The following MDFIC variants were observed in gnomAD, a reference collection of about 807,000 sequenced individuals.
MDFIC encodes the protein MyoD family inhibitor domain containing.
A neutral mutation model predicts 23.2 loss-of-function variants in MDFIC; 17 were observed. The ratio of observed to expected loss-of-function variants is 0.73; its 90% CI spans 0.50 to 1.10. The LOEUF (loss-of-function observed/expected upper bound fraction) is 1.10, where lower values mean the gene tolerates loss of function less well. MDFIC is among the 50% of genes least tolerant of loss of function. The probability of loss-of-function intolerance (pLI) is 0.00; values close to 1 mark genes in which losing one functional copy is unlikely to be tolerated. For synonymous variants in MDFIC, 120 were observed against 115.2 expected (o/e 1.04, Z -0.27); for missense variants, 356 against 316.6 (o/e 1.12, Z -0.95).
intron 3 of MDFIC, among the ~76,000 whole-genome samples, chr7:114,960,556 CCT>C: frequency 6.6e-6 from 1 of 152,104 alleles, no homozygotes; most frequent in East Asian, 1.9e-4. Context: ...TGAATAGACC[CCT>C]TTTATTTCAA....
intron 3 of MDFIC, among the ~76,000 whole-genome samples, chr7:114,979,284 TG>T (rs1793373110): frequency 6.6e-6 from 1 of 152,148 alleles, no homozygotes; most frequent in African/African-American, 2.4e-5. Flanking sequence ...TTTATATCCT[TG>T]TACAAACCCA....
chr7:114,957,470 A>G (rs941419461), intron 3 of MDFIC, among the ~76,000 whole-genome samples: 1 of 152,194 alleles, frequency 6.6e-6, no homozygotes, highest in African/African-American at 2.4e-5. Context: ...AAAGTCTCTT[A>G]TAATAGCGAT....
intron 2 of MDFIC, among the ~76,000 whole-genome samples, chr7:114,939,187 G>C (rs1357184229): frequency 6.6e-6 from 1 of 152,180 alleles, no homozygotes; most frequent in Non-Finnish European, 1.5e-5. Context: ...ATATTAGAAA[G>C]TCACAGAACA....
intron 4 of MDFIC, among the ~76,000 whole-genome samples, chr7:115,009,704 A>G (rs1791642760): frequency 6.6e-6 from 1 of 152,230 alleles, no homozygotes; most frequent in South Asian, 2.1e-4. Context: ...TCCACATAAT[A>G]GGCCAGCTGC....
At chr7:114,952,666 A>G (rs1792800329) in intron 3 of MDFIC, among the ~76,000 whole-genome samples, 1 of 152,160 alleles carries the variant, frequency 6.6e-6, no homozygotes, top group Admixed American at 6.5e-5. Context: ...TATATTTTCC[A>G]TGGTTCATGA....
At chr7:114,947,770 C>T (rs1196236922) in intron 3 of MDFIC, among the ~76,000 whole-genome samples, 1 of 152,174 alleles carries the variant, frequency 6.6e-6, no homozygotes, top group Non-Finnish European at 1.5e-5. Context: ...TCTAACTTCT[C>T]ATTTTTAAAA....
chr7:114,997,954 G>A (rs563784923), intron 4 of MDFIC, among the ~76,000 whole-genome samples: 3 of 152,076 alleles, frequency 2.0e-5, no homozygotes, highest in South Asian at 2.1e-4. Flanking sequence ...TCAAATAACC[G>A]GTAGGATATG....
chr7:114,961,124 G>A (rs930742569), intron 3 of MDFIC, among the ~76,000 whole-genome samples: 8 of 152,120 alleles, frequency 5.3e-5, no homozygotes, highest in African/African-American at 1.9e-4. Context: ...AGCAGAGCAA[G>A]CATGGGAGTG....
rs539628288 is a variant in MDFIC at position 114,933,067 on chromosome 7, G to A, written c.95-9208G>A. 6.6e-5 allele frequency among the ~76,000 whole-genome samples: 10 copies of A among 152,264 alleles called. No individual in the cohort carries two copies. In the South Asian group the frequency reaches 1.9e-3, roughly 28 times the overall value. ...GCCTTCATTCTTGTAATAGTGCCAA[G>A]TAAGGGTTCTTTGCTTAACTAGAGA... On this transcript the variant is annotated intron_variant, in intron 2 of 4. Transcript: ENST00000393486.
intron 4 of MDFIC, among the ~76,000 whole-genome samples, chr7:114,995,227 T>A (rs1334180625): frequency 6.6e-6 from 1 of 152,190 alleles, no homozygotes; most frequent in Non-Finnish European, 1.5e-5. Flanking sequence ...TCTATGCTGG[T>A]TATTCTAGTT....
chr7:114,942,354 C>G lies in MDFIC; in HGVS notation c.174C>G (p.Asp58Glu). The change falls in exon 3 of 5, where the codon GAC (aspartate) becomes GAG (glutamate). Residue 58 changes from aspartate to glutamate, a missense_variant. Asp to Glu is a conservative substitution (Grantham distance 45). Coordinates refer to ENST00000393486, the MANE Select transcript of MDFIC (RefSeq NM_001166345.3). ...NSHFTHGEMQ[D>E]QSIWGNPSDG... is the part of the protein sequence containing the mutation. The stretch of plus-strand genomic sequence containing the variant: ...ACTTCACACATGGAGAGATGCAAGA[C>G]CAGTCCATTTGGGGAAATCCTTCGG... 1 of 1,605,488 alleles carries G rather than the reference C, an allele frequency of 6.2e-7. No individual in the cohort carries two copies. Among genetic ancestry groups the G allele is most frequent in the Non-Finnish European group, 8.5e-7 (1 of 1,175,310 alleles).
At chr7:115,014,202 A>T in intron 4 of MDFIC, 1 of 985,334 alleles carries the variant, frequency 1.0e-6, no homozygotes, top group Non-Finnish European at 1.2e-6. Context: ...AGAGAAACAG[A>T]GGGGTGTTCA....
chr7:114,965,921 A>G (rs982361701), intron 3 of MDFIC, among the ~76,000 whole-genome samples: 2 of 152,210 alleles, frequency 1.3e-5, no homozygotes, highest in African/African-American at 2.4e-5. Context: ...GTTAAAATGT[A>G]TCACTTGCAA....
chr7:114,960,594 TG>T (rs1792971034), intron 3 of MDFIC, among the ~76,000 whole-genome samples: 1 of 152,140 alleles, frequency 6.6e-6, no homozygotes, highest in African/African-American at 2.4e-5. Flanking sequence ...TTAAATATAA[TG>T]AAAGATCTCA....
intron 4 of MDFIC, 32 bp downstream of exon 4, chr7:114,979,813 A>C: frequency 6.3e-7 from 1 of 1,596,336 alleles, no homozygotes; most frequent in Non-Finnish European, 8.6e-7. Flanking sequence ...ATTTTATTTG[A>C]CCAGATGTAA....
chr7:114,951,326 G>A (rs570886316), intron 3 of MDFIC, among the ~76,000 whole-genome samples: 15 of 151,810 alleles, frequency 9.9e-5, no homozygotes, highest in African/African-American at 3.6e-4. Flanking sequence ...TCTCTAAGGT[G>A]AGGTCCCTGA....
chr7:115,005,920 A>G (rs1791560364), intron 4 of MDFIC, among the ~76,000 whole-genome samples: 1 of 152,180 alleles, frequency 6.6e-6, no homozygotes. Flanking sequence ...AATAGGATTT[A>G]CCTCCTGTGC....
rs1185559836 is a variant in MDFIC at position 114,923,005 on chromosome 7, G to A, written c.-29G>A. ...GCCGGGCGGCGAGCTAGGCGGCAGC[G>A]GCGCGGCGCGGGCTCGGCGGAGCGG... On this transcript the variant is annotated 5_prime_UTR_variant, in exon 2 of 5. Coordinates refer to ENST00000393486, the MANE Select transcript of MDFIC (RefSeq NM_001166345.3). 1.8e-5 allele frequency: 26 copies of A among 1,483,314 alleles called. No individual in the cohort carries two copies. The highest frequency in any genetic ancestry group is 2.6e-5 in the South Asian group (2 of 77,824). The allele number at this position is 1,483,314 out of a possible 1,614,324, so 91.9% of individuals were successfully genotyped here.
chr7:114,946,000 G>T (rs891702626), intron 3 of MDFIC, among the ~76,000 whole-genome samples: 2 of 152,172 alleles, frequency 1.3e-5, no homozygotes, highest in African/African-American at 4.8e-5. Context: ...TTGAAGCTAT[G>T]CCCTGTTTTA....
Sources: allele counts gnomAD v4.1 joint callset (sites outside exome capture counted in the v4.1 genomes callset), GRCh38; gene constraint gnomAD v4.1.1; transcripts MANE v1.5; gene names NCBI Gene and HGNC (gene_info 2026-07-23, HGNC 2026-07-21).